The following THSD7B variants were observed in gnomAD, a reference collection of about 807,000 sequenced individuals.
The protein encoded by THSD7B is thrombospondin type-1 domain-containing protein 7B.
In THSD7B, 138 loss-of-function variants were observed where a neutral mutation model predicts 213.6. The observed-to-expected ratio is 0.65, with a 90% CI of 0.56 to 0.74. THSD7B has a LOEUF of 0.74. Among genes scored for constraint, THSD7B ranks in the 30% least tolerant of loss-of-function variants. The pLI is 0.00. For missense variants in THSD7B, 1,931 were observed against 1,991.5 expected (o/e 0.97, Z 0.58); for synonymous variants, 742 against 687.0 (o/e 1.08, Z -1.25).
chr2:136,957,663 T>C (rs1454039529), intron 2 of THSD7B, among the ~76,000 whole-genome samples: 1 of 152,174 alleles, frequency 6.6e-6, no homozygotes, highest in African/African-American at 2.4e-5. Flanking sequence ...TATGTACATT[T>C]TAATACTTCA....
intron 3 of THSD7B, among the ~76,000 whole-genome samples, chr2:137,061,952 T>C (rs539597975): frequency 6.6e-6 from 1 of 151,974 alleles, no homozygotes; most frequent in South Asian, 2.1e-4. Flanking sequence ...CTTGAATGTT[T>C]GGTAGTGAAC....
At chr2:137,666,858 T>C (rs987603027) in intron 26 of THSD7B, among the ~76,000 whole-genome samples, 4 of 152,128 alleles carry the variant, frequency 2.6e-5, no homozygotes, top group Non-Finnish European at 4.4e-5. Context: ...AAAAGTAACA[T>C]AATAGATTAA....
intron 6 of THSD7B, among the ~76,000 whole-genome samples, chr2:137,165,195 G>C (rs1680101072): frequency 6.6e-6 from 1 of 152,108 alleles, no homozygotes; most frequent in South Asian, 2.1e-4. Flanking sequence ...GTGGCTGAAT[G>C]GCTGCCTCCT....
intron 3 of THSD7B, among the ~76,000 whole-genome samples, chr2:137,071,317 A>G (rs904285398): frequency 1.3e-5 from 2 of 152,174 alleles, no homozygotes; most frequent in Non-Finnish European, 2.9e-5. Flanking sequence ...AGTGATGATG[A>G]GCATTTCTTC....
At chr2:137,248,131 A>G (rs1682084580) in intron 10 of THSD7B, among the ~76,000 whole-genome samples, 1 of 152,150 alleles carries the variant, frequency 6.6e-6, no homozygotes, top group African/African-American at 2.4e-5. Context: ...GACTCTTACT[A>G]GTGGTGGAGG....
chr2:137,403,010 T>C (rs899677931), intron 12 of THSD7B, among the ~76,000 whole-genome samples: 9 of 152,154 alleles, frequency 5.9e-5, no homozygotes, highest in African/African-American at 1.9e-4. Context: ...GTACCCTACT[T>C]GAGATAAAAT....
At chr2:137,030,407 C>T (rs193241862) in intron 2 of THSD7B, among the ~76,000 whole-genome samples, 1 of 152,188 alleles carries the variant, frequency 6.6e-6, no homozygotes, top group Non-Finnish European at 1.5e-5. Context: ...GCCCAGTAGG[C>T]ACGAGTTTAG....
At chr2:137,130,661 G>A (rs1688712870) in intron 5 of THSD7B, among the ~76,000 whole-genome samples, 1 of 151,082 alleles carries the variant, frequency 6.6e-6, no homozygotes, top group African/African-American at 2.4e-5. Context: ...AGTTTACTGA[G>A]AATGATGATT....
chr2:137,405,830 T>C (rs1686505282), intron 13 of THSD7B, 23 bp downstream of exon 13: 8 of 1,578,088 alleles, frequency 5.1e-6, no homozygotes, highest in Non-Finnish European at 6.9e-6. Context: ...TTTTACTCTT[T>C]AGCATCAGGC....
At chr2:137,375,792 G>T (rs946123147) in intron 12 of THSD7B, among the ~76,000 whole-genome samples, 1 of 152,188 alleles carries the variant, frequency 6.6e-6, no homozygotes, top group Non-Finnish European at 1.5e-5. Flanking sequence ...GCAGCACCTT[G>T]AGAGAGTCTA....
At chr2:137,594,631 T>C (rs2104816736) in intron 17 of THSD7B, among the ~76,000 whole-genome samples, 1 of 152,126 alleles carries the variant, frequency 6.6e-6, no homozygotes, top group East Asian at 1.9e-4. Flanking sequence ...TTAGACTGAG[T>C]CTAAAAATTT....
At chr2:136,931,596 C>T (rs1196020321) in intron 2 of THSD7B, among the ~76,000 whole-genome samples, 2 of 152,134 alleles carry the variant, frequency 1.3e-5, no homozygotes, top group Non-Finnish European at 2.9e-5. Flanking sequence ...GGGAAGTTGA[C>T]TTTTTGCTCC....
chr2:137,424,299 AAAATTAATT>A (rs1407040818), intron 14 of THSD7B, among the ~76,000 whole-genome samples: 1 of 152,192 alleles, frequency 6.6e-6, no homozygotes, highest in Admixed American at 6.5e-5. Context: ...AACAAAAGAA[AAAATTAATT>A]GTCGTTCATC....
At chr2:136,833,366 A>G (rs1355857795) in intron 1 of THSD7B, among the ~76,000 whole-genome samples, 36 of 139,366 alleles carry the variant, frequency 2.6e-4, no homozygotes, top group African/African-American at 1.1e-3. Flanking sequence ...TCCGTCTCAA[A>G]AAAAAAAAAA....
At chr2:137,342,106 A>C (rs1252824691) in intron 12 of THSD7B, among the ~76,000 whole-genome samples, 2 of 151,596 alleles carry the variant, frequency 1.3e-5, no homozygotes, top group South Asian at 4.1e-4. Flanking sequence ...GGTAGTGTGG[A>C]CATTTTAACA....
chr2:137,449,070 T>C (rs551255506), intron 14 of THSD7B, among the ~76,000 whole-genome samples: 2 of 152,278 alleles, frequency 1.3e-5, no homozygotes, highest in African/African-American at 2.4e-5. Flanking sequence ...ATAAAAGTTA[T>C]TTTGTATTTT....
intron 7 of THSD7B, among the ~76,000 whole-genome samples, chr2:137,218,736 A>T (rs1681302956): frequency 6.6e-6 from 1 of 152,066 alleles, no homozygotes; most frequent in Admixed American, 6.5e-5. Context: ...GAACTTTGGG[A>T]TTATGCCTTC....
At chr2:136,943,029 A>G (rs1684859416) in intron 2 of THSD7B, among the ~76,000 whole-genome samples, 1 of 152,184 alleles carries the variant, frequency 6.6e-6, no homozygotes, top group South Asian at 2.1e-4. Flanking sequence ...TGTCCCATCA[A>G]TACCTAGCTT....
intron 12 of THSD7B, among the ~76,000 whole-genome samples, chr2:137,301,298 A>G (rs1683595349): frequency 6.6e-6 from 1 of 152,102 alleles, no homozygotes; most frequent in Non-Finnish European, 1.5e-5. Context: ...TCTTTCTGGC[A>G]TGATTGTTTC....
Sources: gnomAD v4.1 joint callset for allele counts (sites outside exome capture counted in the v4.1 genomes callset) on GRCh38, gnomAD v4.1.1 for gene constraint, MANE v1.5 for transcripts, NCBI Gene and HGNC (gene_info 2026-07-23, HGNC 2026-07-21) for gene names.